Variants in THPO observed in about 807,000 individuals in gnomAD.
THPO encodes the protein thrombopoietin, also known as MPL ligand.
In THPO, 12 loss-of-function variants were observed where a neutral mutation model predicts 17.0. The ratio of observed to expected loss-of-function variants is 0.71; its 90% CI spans 0.45 to 1.14. The LOEUF is 1.14. THPO is among the 50% of genes most tolerant of loss of function. The pLI is 0.00. For synonymous variants in THPO, 188 were observed against 183.0 expected, an observed-to-expected ratio of 1.03 and a Z score of -0.22; for missense variants, 365 against 427.5, an observed-to-expected ratio of 0.85 and a Z score of 1.29.
At chr3:184,373,724 C>T (rs1714159229) in intron 4 of THPO, 142 bp from the exon 5 acceptor site, 2 of 944,498 alleles carry the variant, frequency 2.1e-6, no homozygotes, top group East Asian at 5.2e-5. Context: ...GGCAGGAATT[C>T]CTTCACAGTC....
Position 184,373,597 on chromosome 3 carries a change from G to A in THPO, c.229-15C>T, listed in dbSNP as rs1375444834. 1 of 1,613,656 alleles carries A rather than the reference G, an allele frequency of 6.2e-7. No individual in the cohort carries two copies. The highest frequency in any genetic ancestry group is 8.5e-7 in the Non-Finnish European group (1 of 1,179,950). On this transcript the variant is annotated splice_polypyrimidine_tract_variant and intron_variant, in intron 4 of 5. Coordinates refer to ENST00000647395, the MANE Select transcript of THPO (RefSeq NM_000460.4). ...TTGGTCTCCTCCTGAGAAAGAGATGGAAGAGAGAAGCGCACTGCCTCAAAG... is the reference window on the plus strand; with the variant it reads ...TTGGTCTCCTCCTGAGAAAGAGATGAAAGAGAGAAGCGCACTGCCTCAAAG...
Position 184,372,508 on chromosome 3 carries a change from G to C in THPO, c.*5C>G, listed in dbSNP as rs1713975177. ...CAATGCTGATGTCGGCAGTGTCTGA[G>C]AACCTTACCCTTCCTGAGACAGATT... is the stretch of plus-strand genomic sequence containing the variant. On this transcript the variant is annotated 3_prime_UTR_variant, in exon 6 of 6. Transcript: ENST00000647395. The C allele has an allele frequency of 2.5e-6, 4 of 1,614,000 alleles. No homozygotes were observed. Among genetic ancestry groups the C allele is most frequent in the Admixed American group, 3.3e-5 (2 of 60,008 alleles).
Position 184,373,110 on chromosome 3 carries a change from C to T in THPO, c.465G>A (p.Leu155=). 1.9e-6 allele frequency: 3 copies of T among 1,613,770 alleles called. No homozygotes were observed. Among genetic ancestry groups the T allele is most frequent in the Non-Finnish European group, 2.5e-6 (3 of 1,180,028 alleles). The change falls in exon 6 of 6, where the codon CTG becomes CTA. Residue 155 remains leucine (L), a synonymous_variant. Coordinates refer to ENST00000647395, the MANE Select transcript of THPO (RefSeq NM_000460.4). ...PNAIFLSFQH[L]LRGKVRFLML... ...TCAGGAAACGCACCTTTCCTCGGAG[C>T]AGGTGTTGGAAGCTCAGGAAGATGG...
chr3:184,375,415 A>T, intron 4 of THPO, 100 bp downstream of exon 4: 1 of 1,273,236 alleles, frequency 7.9e-7, no homozygotes. Context: ...TGAAGGTGAG[A>T]TATTTTTAAA....
chr3:184,375,886 A>C lies in THPO; in HGVS notation c.141+2T>G. 3 of 1,613,144 alleles carry C rather than the reference A, an allele frequency of 1.9e-6. No homozygotes were observed. Among genetic ancestry groups the C allele is most frequent in the Non-Finnish European group, 2.5e-6 (3 of 1,179,848 alleles). ...AAAGGGGATAATGTTGGGAGTTCTCACCAGTCTGCTGTGAAGGACATGGGA... is the reference window on the plus strand; with the variant it reads ...AAAGGGGATAATGTTGGGAGTTCTCCCCAGTCTGCTGTGAAGGACATGGGA... On this transcript the variant is annotated splice_donor_variant, in intron 3 of 5. Transcript: ENST00000647395. LOFTEE classifies it high-confidence loss of function.
chr3:184,376,085 C>T (rs1714374210), intron 2 of THPO, 70 bp from the exon 3 acceptor site: 3 of 1,613,262 alleles, frequency 1.9e-6, no homozygotes, highest in African/African-American at 1.3e-5. Context: ...CAGGAATTCC[C>T]ATTCAGGACC....
chr3:184,377,293 A>G (rs1714500557), intron 1 of THPO, among the ~76,000 whole-genome samples: 1 of 152,192 alleles, frequency 6.6e-6, no homozygotes, highest in African/African-American at 2.4e-5. Context: ...ACCCCCACAC[A>G]TAAAGCCACT....
intron 1 of THPO, 44 bp from the exon 2 acceptor site, chr3:184,376,448 A>G: frequency 6.8e-7 from 1 of 1,480,794 alleles, no homozygotes; most frequent in Non-Finnish European, 8.9e-7. Context: ...AGTTTCTAGG[A>G]AGAGACTGCC....
At position 184,372,706 on chromosome 3, in the gene THPO, G is replaced by A. The variant is rs754091402; in HGVS notation, c.869C>T (p.Pro290Leu). ...ATGGGTTGGGGAAGGAGAATATCCA[G>A]GCTGGAGGTTGGGTGGCAGGGAGCC... ...DTGSLPPNLQ[P>L]GYSPSPTHPP... The change falls in exon 6 of 6, where the codon CCT becomes CTT. Residue 290 changes from proline to leucine, a missense_variant. By Grantham distance (98) the Pro-to-Leu change is moderately conservative (BLOSUM62 -3). Coordinates refer to ENST00000647395, the MANE Select transcript of THPO (RefSeq NM_000460.4). 1.9e-6 allele frequency: 3 copies of A among 1,613,728 alleles called. No individual in the cohort carries two copies. Among genetic ancestry groups the A allele is most frequent in the Non-Finnish European group, 2.5e-6 (3 of 1,179,682 alleles).
rs777442591 is a variant in THPO, at chr3:184,376,235, G to A, written c.13+12C>T. ...TTTCCATATGGCCCTAGCCCCTCAG[G>A]TGTGTTCTCACCAGTCAGCTCCATT... On this transcript the variant is annotated intron_variant, in intron 2 of 5. Transcript: ENST00000647395. 5.0e-6 allele frequency: 8 copies of A among 1,613,922 alleles called. No individual in the cohort carries two copies. In the East Asian group the frequency reaches 1.3e-4, roughly 27 times the overall value.
rs752785857 is a variant in THPO, at chr3:184,372,622, A to G, written c.953T>C (p.Val318Ala). Residue 318 changes from valine (V) to alanine (A), a missense_variant, in exon 6 of 6, where the codon GTC becomes GCC. By Grantham distance (64) the Val-to-Ala change is moderately conservative. Coordinates refer to ENST00000647395, the MANE Select transcript of THPO (RefSeq NM_000460.4). ...PLPPTLPTPVVQLHPLLPDPS... is the reference protein window; with the variant it reads ...PLPPTLPTPVAQLHPLLPDPS... ...GTCAGGAAGCAGGGGGTGGAGCTGG[A>G]CCACAGGGGTGGGCAAGGTGGGTGG... The G allele has an allele frequency of 6.6e-5, 106 of 1,613,456 alleles. No homozygotes were observed. In the Middle Eastern group the frequency reaches 6.6e-4, roughly 10 times the overall value.
intron 4 of THPO, among the ~76,000 whole-genome samples, chr3:184,374,818 T>C (rs1430115383): frequency 6.6e-6 from 1 of 152,182 alleles, no homozygotes; most frequent in Non-Finnish European, 1.5e-5. Flanking sequence ...GACGGAGTTT[T>C]GCTCTTGTCA....
At chr3:184,373,666 A>G in intron 4 of THPO, 84 bp from the exon 5 acceptor site, 2 of 1,469,012 alleles carry the variant, frequency 1.4e-6, no homozygotes, top group Non-Finnish European at 1.9e-6. Context: ...TAGCCAGCAG[A>G]GTGAATCATA....
chr3:184,375,438 G>C lies in THPO; in HGVS notation c.228+77C>G, dbSNP rs1219188857. The C allele has an allele frequency of 2.8e-6, 4 of 1,450,210 alleles. No individual in the cohort carries two copies. The African/African-American group carries it at 5.6e-5, about 20-fold the overall frequency. 89.8% of individuals were successfully genotyped at this position (1,450,210 alleles called of 1,614,324 possible). A position where few individuals can be genotyped will look rare whatever the true frequency, so the allele number is the denominator to read the frequency against. ...AGATATTTTTAAAAAGCTCAAGAAT[G>C]TTGGAGAATCCATGGGAAGCAGTGG... On this transcript the variant is annotated intron_variant, in intron 4 of 5. Coordinates refer to ENST00000647395, the MANE Select transcript of THPO (RefSeq NM_000460.4).
At chr3:184,378,442 G>A, upstream of THPO, 1 of 966,554 alleles carries the variant, frequency 1.0e-6, no homozygotes, top group Non-Finnish European at 1.2e-6. Flanking sequence ...TGTGTTGCTG[G>A]GGAAGAAGCA....
chr3:184,376,845 C>CA (rs577828569), intron 1 of THPO, among the ~76,000 whole-genome samples: 5,225 of 131,476 alleles, frequency 0.04, 296 homozygotes, highest in African/African-American at 0.13. Context: ...AACTCCGTCT[C>CA]AAAAAAAAAA....
At chr3:184,378,754 G>A, upstream of THPO, 3 of 974,752 alleles carry the variant, frequency 3.1e-6, no homozygotes, top group Non-Finnish European at 3.7e-6. Flanking sequence ...GGTTAAGCCT[G>A]AGCTTAGGTG....
At position 184,372,727 on chromosome 3, in the gene THPO, G is replaced by A. The variant is rs768017646; in HGVS notation, c.848C>T (p.Ser283Phe). The A allele has an allele frequency of 4.3e-6, 7 of 1,613,770 alleles. No individual in the cohort carries two copies. Among genetic ancestry groups the A allele is most frequent in the Non-Finnish European group, 1.7e-6 (2 of 1,179,790 alleles). The change falls in exon 6 of 6, where the codon TCC (serine) becomes TTC (phenylalanine). Residue 283 changes from serine (S) to phenylalanine (F), a missense_variant. Transcript: ENST00000647395. Reference protein sequence around the residue: ...DISSGTSDTGSLPPNLQPGYS... With the variant: ...DISSGTSDTGFLPPNLQPGYS... ...TCCAGGCTGGAGGTTGGGTGGCAGG[G>A]AGCCTGTGTCTGATGTTCCTGAGGA...
intron 4 of THPO, 127 bp downstream of exon 4, chr3:184,375,388 G>A (rs1378351564): frequency 6.5e-6 from 6 of 918,682 alleles, no homozygotes; most frequent in South Asian, 1.4e-5. Context: ...ATGTAGATTG[G>A]GTTAGGGTGG....
Sources: gnomAD v4.1 joint callset for allele counts (sites outside exome capture counted in the v4.1 genomes callset) on GRCh38, gnomAD v4.1.1 for gene constraint, MANE v1.5 for transcripts, NCBI Gene and HGNC (gene_info 2026-07-23, HGNC 2026-07-21) for gene names.